Variants in SLCO2B1 observed in about 807,000 individuals in gnomAD.
SLCO2B1 encodes OATP-RP2.
A neutral mutation model predicts 67.3 loss-of-function variants in SLCO2B1; 41 were observed. The observed-to-expected ratio is 0.61, with a 90% CI of 0.47 to 0.79. SLCO2B1 has a LOEUF of 0.79. SLCO2B1 is among the 30% of genes least tolerant of loss of function. SLCO2B1 has a pLI of 0.00. For synonymous variants in SLCO2B1, 379 were observed against 381.4 expected, an observed-to-expected ratio of 0.99 and a Z score of 0.07; for missense variants, 837 against 920.1, an observed-to-expected ratio of 0.91 and a Z score of 1.17.
intron 3 of SLCO2B1, 61 bp downstream of exon 3, chr11:75,164,161 C>G: frequency 6.5e-7 from 1 of 1,538,174 alleles, no homozygotes; most frequent in Non-Finnish European, 8.8e-7. Context: ...GCACCTTCCA[C>G]CAGCCTCCCC....
chr11:75,192,334 C>G (rs1196353563), intron 8 of SLCO2B1, among the ~76,000 whole-genome samples: 3 of 152,136 alleles, frequency 2.0e-5, no homozygotes, highest in Non-Finnish European at 4.4e-5. Flanking sequence ...CAAACAAAAC[C>G]CCCTGATCTT....
In SLCO2B1 at chr11:75,162,690, G is replaced by T; in HGVS notation, c.52G>T (p.Glu18Ter). The T allele has an allele frequency of 6.2e-7, 1 of 1,613,784 alleles. No individual in the cohort carries two copies. The highest frequency in any genetic ancestry group is 8.5e-7 in the Non-Finnish European group (1 of 1,179,976). The change falls in exon 2 of 14, where the codon GAA becomes TAA. Residue 18 changes from glutamate (E) to a stop codon, truncating the protein, a stop_gained. Transcript: ENST00000289575. LOFTEE classifies it high-confidence loss of function. Reference sequence around the variant, plus strand: ...TGAGGTACCCCAGGTACCAGACAAGGAAACCAAAGCCACAATGGGCACAGA... The same window carrying T: ...TGAGGTACCCCAGGTACCAGACAAGTAAACCAAAGCCACAATGGGCACAGA... The part of the protein sequence containing the change: ...AGEVPQVPDK[E>*]TKATMGTENT...
chr11:75,186,517 T>C (rs952364122), intron 7 of SLCO2B1, among the ~76,000 whole-genome samples: 6 of 151,624 alleles, frequency 4.0e-5, no homozygotes, highest in Non-Finnish European at 8.8e-5. Context: ...CTGATTTTTT[T>C]TTTATTTTTA....
chr11:75,158,396 G>A (rs1949771913), intron 1 of SLCO2B1, among the ~76,000 whole-genome samples: 1 of 152,234 alleles, frequency 6.6e-6, no homozygotes, highest in Admixed American at 6.5e-5. Flanking sequence ...CACAAAGAGT[G>A]TGTGAGCTAA....
chr11:75,172,598 G>T (rs199683056), intron 7 of SLCO2B1, 29 bp downstream of exon 7: 2 of 1,589,192 alleles, frequency 1.3e-6, no homozygotes, highest in Non-Finnish European at 1.7e-6. Context: ...ACCTGACTGG[G>T]TCCAGGCTCC....
chr11:75,151,743 G>C (rs1456429722), intron 1 of SLCO2B1: 3 of 353,406 alleles, frequency 8.5e-6, no homozygotes, highest in Non-Finnish European at 1.6e-5. Flanking sequence ...ACAGAGCAGA[G>C]AAAAAGAGAA....
chr11:75,179,102 T>C (rs1348925828), intron 7 of SLCO2B1, among the ~76,000 whole-genome samples: 1 of 152,188 alleles, frequency 6.6e-6, no homozygotes, highest in Non-Finnish European at 1.5e-5. Context: ...CTCCTTTCTT[T>C]CATTTAAATA....
At chr11:75,164,408 T>C (rs1416606692) in intron 3 of SLCO2B1, among the ~76,000 whole-genome samples, 1 of 152,162 alleles carries the variant, frequency 6.6e-6, no homozygotes, top group African/African-American at 2.4e-5. Context: ...AACTATTGCC[T>C]GTCCCAGGAA....
Position 75,169,331 on chromosome 11 carries a change from G to T in SLCO2B1, c.607G>T (p.Gly203Trp), listed in dbSNP as rs767572143. 2 of 1,613,962 alleles carry T rather than the reference G, an allele frequency of 1.2e-6. No homozygotes were observed. Among genetic ancestry groups the T allele is most frequent in the East Asian group, 2.2e-5 (1 of 44,864 alleles). ...FVAQTLLGVG[G>W]VPIQPFGISY... ...GGCACAGACCCTGCTGGGCGTGGGC[G>T]GGGTGCCCATTCAGCCCTTTGGCAT... The change falls in exon 5 of 14, where the codon GGG becomes TGG. Residue 203 changes from glycine to tryptophan, a missense_variant. Transcript: ENST00000289575.
chr11:75,157,059 G>C (rs1949754716), intron 1 of SLCO2B1: 1 of 152,514 alleles, frequency 6.6e-6, no homozygotes, highest in Admixed American at 6.5e-5. Context: ...CAGCTCAGTA[G>C]GTCTCAACCT....
chr11:75,195,804 G>A (rs1945089925), intron 9 of SLCO2B1, among the ~76,000 whole-genome samples: 1 of 152,208 alleles, frequency 6.6e-6, no homozygotes, highest in Non-Finnish European at 1.5e-5. Context: ...CCGCTAGCGT[G>A]AAGCCAGGTG....
In SLCO2B1 at chr11:75,164,039, C is replaced by T; in HGVS notation, c.224C>T (p.Thr75Ile). 5.6e-6 allele frequency: 9 copies of T among 1,607,928 alleles called. No individual in the cohort carries two copies. Among genetic ancestry groups the T allele is most frequent in the Non-Finnish European group, 7.6e-6 (9 of 1,177,314 alleles). ...GGCTACCTAAAGAGCTCCATCTCCA[C>T]AGTGGAGAAGCGCTTCGGCCTCTCC... Reference protein sequence around the residue: ...ISGYLKSSISTVEKRFGLSSQ... With the variant: ...ISGYLKSSISIVEKRFGLSSQ... The change falls in exon 3 of 14, where the codon ACA (threonine) becomes ATA (isoleucine). Residue 75 changes from threonine (T) to isoleucine (I), a missense_variant. Coordinates refer to ENST00000289575, the MANE Select transcript of SLCO2B1 (RefSeq NM_007256.5).
chr11:75,156,907 T>C (rs1433469835), intron 1 of SLCO2B1, among the ~76,000 whole-genome samples: 1 of 152,210 alleles, frequency 6.6e-6, no homozygotes, highest in African/African-American at 2.4e-5. Flanking sequence ...CAGAGGGCAT[T>C]CTCATCGCCA....
At chr11:75,199,272 G>A (rs1435743507) in intron 10 of SLCO2B1, among the ~76,000 whole-genome samples, 1 of 152,168 alleles carries the variant, frequency 6.6e-6, no homozygotes, top group Admixed American at 6.5e-5. Context: ...GGCCAGTGGA[G>A]AGTGCCTGGT....
At chr11:75,185,670 TAG>T (rs535565057) in intron 7 of SLCO2B1, among the ~76,000 whole-genome samples, 204 of 151,904 alleles carry the variant, frequency 1.3e-3, no homozygotes, top group African/African-American at 4.7e-3. Flanking sequence ...AGCAAGTCCA[TAG>T]AGTAAAGTGA....
intron 9 of SLCO2B1, among the ~76,000 whole-genome samples, chr11:75,194,235 T>G (rs1014184169): frequency 1.3e-5 from 2 of 152,210 alleles, no homozygotes; most frequent in Non-Finnish European, 2.9e-5. Context: ...ATCTCTCCAA[T>G]TCTCCCTCAC....
At chr11:75,176,017 C>A (rs528386132) in intron 7 of SLCO2B1, among the ~76,000 whole-genome samples, 44 of 152,258 alleles carry the variant, frequency 2.9e-4, no homozygotes, top group African/African-American at 9.4e-4. Context: ...TCAGGTGCTA[C>A]CAAGAGACCC....
At chr11:75,177,579 A>G (rs2140321687) in intron 7 of SLCO2B1, among the ~76,000 whole-genome samples, 1 of 152,330 alleles carries the variant, frequency 6.6e-6, no homozygotes, top group Admixed American at 6.5e-5. Context: ...ACTTACATAC[A>G]GGGTGGTCCA....
At chr11:75,173,046 G>A (rs917500548) in intron 7 of SLCO2B1, among the ~76,000 whole-genome samples, 2 of 152,142 alleles carry the variant, frequency 1.3e-5, no homozygotes, top group Non-Finnish European at 2.9e-5. Flanking sequence ...CACAGCTGAG[G>A]AGACCCAGAG....
Sources: gnomAD v4.1 joint callset for allele counts (sites outside exome capture counted in the v4.1 genomes callset) on GRCh38, gnomAD v4.1.1 for gene constraint, MANE v1.5 for transcripts, NCBI Gene and HGNC (gene_info 2026-07-23, HGNC 2026-07-21) for gene names.